RCAN2: variants seen among roughly 807,000 people sequenced by gnomAD.
RCAN2 encodes the protein regulator of calcineurin 2.
In RCAN2, 9 loss-of-function variants were observed where a neutral mutation model predicts 23.6. The observed-to-expected ratio is 0.38, with a 90% CI of 0.23 to 0.67. The LOEUF (loss-of-function observed/expected upper bound fraction) is 0.67, where lower values mean the gene tolerates loss of function less well. RCAN2 is among the 30% of genes least tolerant of loss of function. The pLI, the probability that RCAN2 is intolerant of heterozygous loss-of-function variation, is 0.51. For missense variants in RCAN2, 273 were observed against 302.3 expected (o/e 0.90, Z 0.72); for synonymous variants, 109 against 115.7 (o/e 0.94, Z 0.37).
At chr6:46,344,893 T>C (rs1011543740) in intron 2 of RCAN2, among the ~76,000 whole-genome samples, 1 of 152,056 alleles carries the variant, frequency 6.6e-6, no homozygotes, top group Non-Finnish European at 1.5e-5. Flanking sequence ...AAATGAATTA[T>C]AAACATTTTA....
At chr6:46,342,289 G>A (rs778062429) in intron 2 of RCAN2, among the ~76,000 whole-genome samples, 1 of 152,110 alleles carries the variant, frequency 6.6e-6, no homozygotes, top group Non-Finnish European at 1.5e-5. Flanking sequence ...TTGTGCATTT[G>A]GCTGGAGTTT....
At chr6:46,402,932 C>A (rs977416656) in intron 2 of RCAN2, among the ~76,000 whole-genome samples, 2 of 152,026 alleles carry the variant, frequency 1.3e-5, no homozygotes, top group South Asian at 2.1e-4. Context: ...TTGGCCCCTA[C>A]AACACACATA....
chr6:46,445,117 A>G (rs1423511769), intron 2 of RCAN2, among the ~76,000 whole-genome samples: 3 of 152,006 alleles, frequency 2.0e-5, no homozygotes, highest in Non-Finnish European at 2.9e-5. Context: ...AGCCCCTAGA[A>G]AGCCTCTTCA....
chr6:46,429,343 G>A (rs1251422391), intron 2 of RCAN2, among the ~76,000 whole-genome samples: 1 of 152,168 alleles, frequency 6.6e-6, no homozygotes, highest in Non-Finnish European at 1.5e-5. Flanking sequence ...AAAGATACGG[G>A]TTCCAGTCCC....
chr6:46,280,180 C>T (rs1251192479), intron 2 of RCAN2, among the ~76,000 whole-genome samples: 2 of 152,088 alleles, frequency 1.3e-5, no homozygotes, highest in Non-Finnish European at 2.9e-5. Context: ...CTGAGCAGTG[C>T]CATAATATCC....
chr6:46,411,986 C>T (rs1392653691), intron 2 of RCAN2, among the ~76,000 whole-genome samples: 3 of 152,150 alleles, frequency 2.0e-5, no homozygotes, highest in African/African-American at 7.2e-5. Flanking sequence ...GTAAAGGTCT[C>T]TCTGGCTGCT....
intron 2 of RCAN2, among the ~76,000 whole-genome samples, chr6:46,278,890 C>G (rs922939396): frequency 6.6e-6 from 1 of 152,170 alleles, no homozygotes; most frequent in Non-Finnish European, 1.5e-5. Context: ...CTGTTTCATC[C>G]AAATTCTACT....
chr6:46,439,452 G>T (rs570116277), intron 2 of RCAN2, among the ~76,000 whole-genome samples: 1 of 152,210 alleles, frequency 6.6e-6, no homozygotes, highest in Admixed American at 6.5e-5. Flanking sequence ...ACCTGGGTTG[G>T]TTACCTACAT....
chr6:46,403,846 G>A (rs1561891581), intron 2 of RCAN2, among the ~76,000 whole-genome samples: 2 of 152,208 alleles, frequency 1.3e-5, no homozygotes, highest in African/African-American at 4.8e-5. Flanking sequence ...GAGTGTTCCA[G>A]AAACAGTAGG....
At chr6:46,332,113 T>C (rs188368086) in intron 2 of RCAN2, among the ~76,000 whole-genome samples, 1 of 152,354 alleles carries the variant, frequency 6.6e-6, no homozygotes, top group Non-Finnish European at 1.5e-5. Flanking sequence ...TAGGTTCATC[T>C]GTTTTTGATG....
chr6:46,408,558 A>C (rs1766470425), intron 2 of RCAN2, among the ~76,000 whole-genome samples: 1 of 152,176 alleles, frequency 6.6e-6, no homozygotes, highest in Non-Finnish European at 1.5e-5. Context: ...AGGCACTGCC[A>C]CTAGGACTCT....
At chr6:46,460,788 A>C (rs1294239636) in intron 1 of RCAN2, among the ~76,000 whole-genome samples, 7 of 152,246 alleles carry the variant, frequency 4.6e-5, no homozygotes, top group Admixed American at 2.0e-4. Context: ...AAAAAGAGTC[A>C]CTTTTTGGAA....
intron 2 of RCAN2, among the ~76,000 whole-genome samples, chr6:46,328,617 T>TGTTC (rs1246789392): frequency 1.3e-5 from 2 of 152,174 alleles, no homozygotes; most frequent in African/African-American, 4.8e-5. Context: ...TTTGTTTGTT[T>TGTTC]GTTTGTTTGT....
At chr6:46,386,338 C>T (rs560021716) in intron 2 of RCAN2, among the ~76,000 whole-genome samples, 208 of 152,066 alleles carry the variant, frequency 1.4e-3, no homozygotes, top group Non-Finnish European at 2.3e-3. Flanking sequence ...GTGGCTCACA[C>T]CTGTAATCCC....
chr6:46,244,207 G>A (rs754626011), intron 4 of RCAN2, among the ~76,000 whole-genome samples: 11 of 152,272 alleles, frequency 7.2e-5, no homozygotes, highest in East Asian at 3.9e-4. Flanking sequence ...GGTAAAAGGC[G>A]TGTATTTTTA....
chr6:46,261,258 G>A (rs528512298), intron 2 of RCAN2, among the ~76,000 whole-genome samples: 10 of 152,250 alleles, frequency 6.6e-5, no homozygotes, highest in African/African-American at 2.4e-4. Context: ...TAAGATACAG[G>A]TAAGAAGAGG....
chr6:46,443,155 G>A (rs1360455209), intron 2 of RCAN2, among the ~76,000 whole-genome samples: 1 of 152,042 alleles, frequency 6.6e-6, no homozygotes, highest in African/African-American at 2.4e-5. Flanking sequence ...AACAACACAA[G>A]AAAAACAGTG....
intron 2 of RCAN2, among the ~76,000 whole-genome samples, chr6:46,303,166 G>A (rs1561849946): frequency 6.6e-6 from 1 of 151,900 alleles, no homozygotes; most frequent in Non-Finnish European, 1.5e-5. Context: ...GAATGTGAGA[G>A]TTTTCACTCT....
At chr6:46,246,622 C>G (rs1766522595) in intron 4 of RCAN2, 126 bp downstream of exon 4, 1 of 790,774 alleles carries the variant, frequency 1.3e-6, no homozygotes, top group Non-Finnish European at 2.0e-6. Context: ...ATTGTCCACA[C>G]AGAGGAATAA....
Sources: allele counts gnomAD v4.1 joint callset (sites outside exome capture counted in the v4.1 genomes callset), GRCh38; gene constraint gnomAD v4.1.1; transcripts MANE v1.5; gene names NCBI Gene and HGNC (gene_info 2026-07-23, HGNC 2026-07-21).